TXLNB: variants seen among roughly 807,000 people sequenced by gnomAD.
TXLNB encodes the protein beta-taxilin.
TXLNB carries 37 observed loss-of-function variants against 57.4 expected under a neutral mutation model. The observed-to-expected ratio is 0.64, with a 90% CI of 0.50 to 0.85. The LOEUF (loss-of-function observed/expected upper bound fraction) is 0.85, where lower values mean the gene tolerates loss of function less well. TXLNB is among the 40% of genes least tolerant of loss of function. The probability of loss-of-function intolerance (pLI) is 0.00; values close to 1 mark genes in which losing one functional copy is unlikely to be tolerated. For synonymous variants in TXLNB, 302 were observed against 309.6 expected (o/e 0.98, Z 0.26); for missense variants, 848 against 825.6 (o/e 1.03, Z -0.33).
chr6:139,285,075 T>A (rs1156972894), intron 2 of TXLNB, among the ~76,000 whole-genome samples: 1 of 145,108 alleles, frequency 6.9e-6, no homozygotes, highest in Non-Finnish European at 1.5e-5. Context: ...TCAAACACAG[T>A]CAGTTGGAAT....
At chr6:139,195,048 G>C in the TXLNB span, among the ~76,000 whole-genome samples, 7 of 152,196 alleles carry the variant, frequency 4.6e-5, no homozygotes, top group African/African-American at 1.4e-4. Flanking sequence ...AAATCACAGC[G>C]TTAGCTGGGC....
the TXLNB span, among the ~76,000 whole-genome samples, chr6:139,219,539 G>C: frequency 5.9e-5 from 9 of 152,208 alleles, no homozygotes; most frequent in Non-Finnish European, 8.8e-5. Context: ...GTTTGTCCCT[G>C]CTTGCAGGCA....
intron 4 of TXLNB, among the ~76,000 whole-genome samples, chr6:139,267,817 A>G (rs151317329): frequency 2.6e-4 from 39 of 152,322 alleles, no homozygotes; most frequent in African/African-American, 9.1e-4. Context: ...TAAGAAAACT[A>G]GAGTGGCTAA....
chr6:139,288,125 T>C (rs1777219460), intron 2 of TXLNB, among the ~76,000 whole-genome samples: 1 of 152,172 alleles, frequency 6.6e-6, no homozygotes. Flanking sequence ...GTGGTGGTAA[T>C]AGAGGCAGAG....
chr6:139,191,748 G>A, the TXLNB span, among the ~76,000 whole-genome samples: 5 of 152,118 alleles, frequency 3.3e-5, no homozygotes, highest in African/African-American at 4.8e-5. Flanking sequence ...GGTGTGGGGC[G>A]GTGTACCTGG....
the TXLNB span, among the ~76,000 whole-genome samples, chr6:139,163,210 A>G: frequency 6.6e-6 from 1 of 152,132 alleles, no homozygotes; most frequent in Non-Finnish European, 1.5e-5. Flanking sequence ...CCTCTACGGG[A>G]TGGACAGTGA....
At chr6:139,213,259 G>A in the TXLNB span, among the ~76,000 whole-genome samples, 1 of 152,190 alleles carries the variant, frequency 6.6e-6, no homozygotes, top group East Asian at 1.9e-4. Flanking sequence ...TAAAAGAACA[G>A]AAATTATAAC....
At chr6:139,315,588 A>T in the TXLNB span, among the ~76,000 whole-genome samples, 648 of 152,380 alleles carry the variant, frequency 4.3e-3, 2 homozygotes, top group African/African-American at 0.015. Context: ...TAAAGAAACA[A>T]TTATTTGAAT....
the TXLNB span, among the ~76,000 whole-genome samples, chr6:139,199,579 A>C: frequency 6.6e-6 from 1 of 152,202 alleles, no homozygotes; most frequent in Non-Finnish European, 1.5e-5. Flanking sequence ...ATTGAACCCA[A>C]GCTGGGGGAG....
At chr6:139,217,311 A>C in the TXLNB span, among the ~76,000 whole-genome samples, 2 of 152,236 alleles carry the variant, frequency 1.3e-5, no homozygotes, top group African/African-American at 4.8e-5. Flanking sequence ...CTATGAAGTC[A>C]GCAGCTGAAA....
intron 6 of TXLNB, among the ~76,000 whole-genome samples, chr6:139,258,490 A>G (rs1252599234): frequency 1.3e-5 from 2 of 152,236 alleles, no homozygotes; most frequent in Admixed American, 6.5e-5. Context: ...GATTTCATAA[A>G]TTAATCTTTT....
the TXLNB span, among the ~76,000 whole-genome samples, chr6:139,218,177 C>T: frequency 2.0e-5 from 3 of 152,004 alleles, no homozygotes; most frequent in Non-Finnish European, 4.4e-5. Context: ...GTTGGGTTCT[C>T]GACTTAATAG....
chr6:139,218,375 T>C, the TXLNB span, among the ~76,000 whole-genome samples: 1 of 152,196 alleles, frequency 6.6e-6, no homozygotes, highest in Non-Finnish European at 1.5e-5. Context: ...TTTAGCACTT[T>C]GAGAGTTGTC....
At chr6:139,284,686 C>A (rs1777131696) in intron 2 of TXLNB, among the ~76,000 whole-genome samples, 1 of 146,038 alleles carries the variant, frequency 6.8e-6, no homozygotes, top group South Asian at 2.3e-4. Flanking sequence ...TCATGCTTCA[C>A]TCCAGGCCTA....
chr6:139,255,592 T>A lies in TXLNB; in HGVS notation c.1049A>T (p.Lys350Met). ...AGCCTGCAGGACTGTCTCTTGCTCC[T>A]TCAGCACTTTCGCCTGAAGTTTCCA... ...AEWKLQAKVLKEQETVLQAQL... is the reference protein window; with the variant it reads ...AEWKLQAKVLMEQETVLQAQL... The change falls in exon 7 of 10, where the codon AAG becomes ATG. Residue 350 changes from lysine (K) to methionine (M), a missense_variant. Physicochemically the swap from Lys to Met is moderately conservative, Grantham distance 95 (BLOSUM62 -1). Transcript: ENST00000358430. 1 of 1,613,916 alleles carries A rather than the reference T, an allele frequency of 6.2e-7. No individual in the cohort carries two copies.
At position 139,270,639 on chromosome 6, in the gene TXLNB, A is replaced by C. The variant is rs919005713; in HGVS notation, c.517-13T>G. ...GATGTTCATCCAGCTGTACACATGG[A>C]GATACAAACATGAAAGAAAATGGCA... On this transcript the variant is annotated splice_polypyrimidine_tract_variant and intron_variant, in intron 3 of 9. Transcript: ENST00000358430. 6.2e-7 allele frequency: 1 copy of C among 1,611,966 alleles called. No individual in the cohort carries two copies. The highest frequency in any genetic ancestry group is 2.2e-5 in the East Asian group (1 of 44,850).
chr6:139,210,179 G>T, the TXLNB span, among the ~76,000 whole-genome samples: 1 of 152,052 alleles, frequency 6.6e-6, no homozygotes, highest in Admixed American at 6.5e-5. Flanking sequence ...ATTCCTGCAA[G>T]AATGTCCATA....
At chr6:139,312,332 A>G in the TXLNB span, among the ~76,000 whole-genome samples, 1 of 152,314 alleles carries the variant, frequency 6.6e-6, no homozygotes, top group South Asian at 2.1e-4. Context: ...GTCTTAGGTG[A>G]TCTGGACTGT....
chr6:139,185,162 TG>T, the TXLNB span, among the ~76,000 whole-genome samples: 1 of 151,978 alleles, frequency 6.6e-6, no homozygotes, highest in African/African-American at 2.4e-5. Context: ...AGTGGGATAG[TG>T]GGAGTCCTGG....
Sources: gnomAD v4.1 joint callset for allele counts (sites outside exome capture counted in the v4.1 genomes callset) on GRCh38, gnomAD v4.1.1 for gene constraint, MANE v1.5 for transcripts, NCBI Gene and HGNC (gene_info 2026-07-23, HGNC 2026-07-21) for gene names.